SOS2: variants seen among roughly 807,000 people sequenced by gnomAD.
The protein encoded by SOS2 is son of sevenless homolog 2.
In SOS2, 65 loss-of-function variants were observed where a neutral mutation model predicts 148.2. The observed-to-expected ratio is 0.44, with a 90% CI of 0.36 to 0.54. SOS2 has a LOEUF of 0.54. Ranked by LOEUF, SOS2 falls within the 20% of genes least tolerant of loss-of-function variation. The pLI is 0.00. For synonymous variants in SOS2, 539 were observed against 537.1 expected, an observed-to-expected ratio of 1.00 and a Z score of -0.05; for missense variants, 1,341 against 1,590.2, an observed-to-expected ratio of 0.84 and a Z score of 2.67.
At chr14:50,132,030 C>T (rs1883890239) in intron 19 of SOS2, among the ~76,000 whole-genome samples, 1 of 152,148 alleles carries the variant, frequency 6.6e-6, no homozygotes, top group Admixed American at 6.5e-5. Flanking sequence ...CCCAGATCAG[C>T]TGCAGACAAG....
At chr14:50,125,698 A>G (rs1883659796) in intron 21 of SOS2, among the ~76,000 whole-genome samples, 1 of 152,202 alleles carries the variant, frequency 6.6e-6, no homozygotes, top group Non-Finnish European at 1.5e-5. Flanking sequence ...GTACAAAGGA[A>G]GGCATGGACA....
intron 7 of SOS2, among the ~76,000 whole-genome samples, chr14:50,177,655 T>C (rs1485478113): frequency 6.6e-6 from 1 of 152,196 alleles, no homozygotes; most frequent in Non-Finnish European, 1.5e-5. Flanking sequence ...TATATGAATA[T>C]ATGAGTTAAC....
At chr14:50,200,145 C>G (rs1886441826) in intron 3 of SOS2, among the ~76,000 whole-genome samples, 1 of 151,986 alleles carries the variant, frequency 6.6e-6, no homozygotes, top group Admixed American at 6.6e-5. Flanking sequence ...AATACATTAA[C>G]CAAAATTCAT....
intron 7 of SOS2, among the ~76,000 whole-genome samples, chr14:50,176,569 T>A (rs1255556069): frequency 1.3e-5 from 2 of 152,254 alleles, no homozygotes; most frequent in African/African-American, 4.8e-5. Flanking sequence ...GAGTATTTAA[T>A]ACACATCAAA....
At chr14:50,203,783 A>C (rs1465361404) in intron 2 of SOS2, among the ~76,000 whole-genome samples, 1 of 151,632 alleles carries the variant, frequency 6.6e-6, no homozygotes. Flanking sequence ...CAACTGACAT[A>C]GAGAACATTT....
At chr14:50,173,378 T>C (rs993770069) in intron 8 of SOS2, among the ~76,000 whole-genome samples, 3 of 152,166 alleles carry the variant, frequency 2.0e-5, no homozygotes, top group African/African-American at 7.2e-5. Flanking sequence ...TTCTTTTTTA[T>C]GGAGTGCTAC....
rs758411881 is a variant in SOS2 at position 50,157,138 on chromosome 14, A to T, written c.1935-17T>A. The stretch of plus-strand genomic sequence containing the variant: ...ATTTCAAACCTAAGAAGAAAAGCAA[A>T]AGGAGAAAAATCCGTTCATACATAA... On this transcript the variant is annotated splice_polypyrimidine_tract_variant and intron_variant, in intron 11 of 22. Coordinates refer to ENST00000216373, the MANE Select transcript of SOS2 (RefSeq NM_006939.4). 6.2e-7 allele frequency: 1 copy of T among 1,606,822 alleles called. No homozygotes were observed. Among genetic ancestry groups the T allele is most frequent in the Admixed American group, 1.7e-5 (1 of 58,998 alleles).
intron 11 of SOS2, 86 bp from the exon 12 acceptor site, chr14:50,157,207 C>G: frequency 6.8e-7 from 1 of 1,469,384 alleles, no homozygotes; most frequent in Admixed American, 2.0e-5. Context: ...TCTTTCCTAC[C>G]ACTTCCACGA....
intron 7 of SOS2, among the ~76,000 whole-genome samples, chr14:50,176,801 A>G (rs1433067439): frequency 6.6e-6 from 1 of 152,172 alleles, no homozygotes; most frequent in African/African-American, 2.4e-5. Flanking sequence ...CCTGAAGTCA[A>G]GAGTTTGAGA....
rs1885008020 is a variant in SOS2 at position 50,161,492 on chromosome 14, G to A, written c.1186C>T (p.Arg396Cys). ...DRIYKQYSPR[R>C]RPGDPVCPFY... ...ACACTTTGGAATTACCCAGGTCGAC[G>A]TCTAGGTGAATACTGCTTGTAAATT... Residue 396 changes from arginine (R) to cysteine (C), a missense_variant, in exon 9 of 23, where the codon CGT becomes TGT. This residue lies in a region of SOS2 where 574 missense variants were observed against 711.1 expected (regional missense o/e 0.81). Coordinates refer to ENST00000216373, the MANE Select transcript of SOS2 (RefSeq NM_006939.4). 7 of 1,611,866 alleles carry A rather than the reference G, an allele frequency of 4.3e-6. No individual in the cohort carries two copies. The highest frequency in any genetic ancestry group is 2.2e-5 in the South Asian group (2 of 90,602).
At chr14:50,144,383 T>A (rs1232059054) in intron 16 of SOS2, among the ~76,000 whole-genome samples, 1 of 152,006 alleles carries the variant, frequency 6.6e-6, no homozygotes, top group African/African-American at 2.4e-5. Context: ...TTTCTATATC[T>A]CCTGAATTTT....
chr14:50,120,736 C>CTT (rs34012845), intron 21 of SOS2, among the ~76,000 whole-genome samples: 4,221 of 107,366 alleles, frequency 0.039, 253 homozygotes, highest in African/African-American at 0.058. Context: ...AATCAGAGAC[C>CTT]TTTTTTTTTT....
At chr14:50,175,520 G>GT (rs1885496151) in intron 7 of SOS2, among the ~76,000 whole-genome samples, 1 of 149,828 alleles carries the variant, frequency 6.7e-6, no homozygotes, top group Non-Finnish European at 1.5e-5. Flanking sequence ...ACAGCAAAAG[G>GT]TAACAAGTAA....
intron 8 of SOS2, among the ~76,000 whole-genome samples, chr14:50,171,661 C>T (rs951940338): frequency 1.6e-5 from 2 of 122,754 alleles, no homozygotes; most frequent in African/African-American, 6.5e-5. Context: ...TCCAGCCAGG[C>T]GACAGAGCAA....
intron 1 of SOS2, among the ~76,000 whole-genome samples, chr14:50,230,507 G>C (rs943962755): frequency 6.6e-6 from 1 of 152,190 alleles, no homozygotes; most frequent in African/African-American, 2.4e-5. Flanking sequence ...AAACATGAAA[G>C]ACTGATTTGC....
chr14:50,191,586 C>A (rs1411879520), intron 4 of SOS2, among the ~76,000 whole-genome samples: 2 of 152,180 alleles, frequency 1.3e-5, no homozygotes, highest in Non-Finnish European at 2.9e-5. Context: ...CTACCACCCA[C>A]TCCAGAGTTC....
At chr14:50,151,287 T>A (rs1226913467) in intron 13 of SOS2, among the ~76,000 whole-genome samples, 1 of 152,278 alleles carries the variant, frequency 6.6e-6, no homozygotes, top group Non-Finnish European at 1.5e-5. Flanking sequence ...TTGCACTTTG[T>A]GGAAGAAATT....
rs1369738601 is a variant in SOS2, at chr14:50,159,281, CCTTCT to C, written c.1852+145_1852+149del. On this transcript the variant is annotated intron_variant, in intron 10 of 22. Coordinates refer to ENST00000216373, the MANE Select transcript of SOS2 (RefSeq NM_006939.4). ...ATATTACATTTTTAGACCTTTAATTCCTTCTCTTATTTATTCCTTTTGTTTTTGCA... is the reference window on the plus strand; with the variant it reads ...ATATTACATTTTTAGACCTTTAATTCCTTATTTATTCCTTTTGTTTTTGCA... 3 of 528,978 alleles carry C rather than the reference CCTTCT, an allele frequency of 5.7e-6. No individual in the cohort carries two copies. In the East Asian group the frequency reaches 8.7e-5, roughly 15 times the overall value. The allele number at this position is 528,978 out of a possible 1,614,324, so 32.8% of individuals were successfully genotyped here.
intron 5 of SOS2, among the ~76,000 whole-genome samples, chr14:50,187,403 A>G (rs1885951322): frequency 1.4e-5 from 2 of 141,146 alleles, no homozygotes; most frequent in East Asian, 4.2e-4. Context: ...GCTGGAGTGC[A>G]GTGGCGTGAT....
Sources: allele counts gnomAD v4.1 joint callset (sites outside exome capture counted in the v4.1 genomes callset), GRCh38; gene constraint gnomAD v4.1.1; regional missense constraint gnomAD v4.1.1; transcripts MANE v1.5; gene names NCBI Gene and HGNC (gene_info 2026-07-23, HGNC 2026-07-21).